Variants in SCMH1 observed in about 807,000 individuals in gnomAD.
SCMH1 encodes the protein polycomb protein SCMH1.
SCMH1 carries 37 observed loss-of-function variants against 70.8 expected under a neutral mutation model. The observed-to-expected ratio is 0.52, with a 90% CI of 0.40 to 0.69. The LOEUF is 0.69. Among genes scored for constraint, SCMH1 ranks in the 30% least tolerant of loss-of-function variants. SCMH1 has a pLI of 0.00. For missense variants in SCMH1, 607 were observed against 827.3 expected, an observed-to-expected ratio of 0.73 and a Z score of 3.27; for synonymous variants, 292 against 307.4, an observed-to-expected ratio of 0.95 and a Z score of 0.52.
intron 6 of SCMH1, among the ~76,000 whole-genome samples, chr1:41,124,590 C>CTTATTTAT (rs138729350): frequency 5.2e-4 from 78 of 148,896 alleles, no homozygotes; most frequent in African/African-American, 1.1e-3. Context: ...TGCTGAAGAG[C>CTTATTTAT]TTATTTATTT....
intron 1 of SCMH1, among the ~76,000 whole-genome samples, chr1:41,216,359 T>C (rs1658082572): frequency 6.6e-6 from 1 of 152,194 alleles, no homozygotes; most frequent in Non-Finnish European, 1.5e-5. Flanking sequence ...AGCTATCTGT[T>C]AAAAGTTACA....
chr1:41,187,141 T>C lies in SCMH1; in HGVS notation c.-117-891A>G, dbSNP rs185572693. Among the ~76,000 whole-genome samples the C allele has an allele frequency of 1.8e-4, 28 of 152,226 alleles. No individual in the cohort carries two copies. In the East Asian group the frequency reaches 5.0e-3, roughly 27 times the overall value. On this transcript the variant is annotated intron_variant, in intron 1 of 14. Transcript: ENST00000337495. ...GATCTGAATCTCCTCTATTTTGCCT[T>C]AATGTTTATTTTCCCTTTAAGACGT...
intron 8 of SCMH1, among the ~76,000 whole-genome samples, chr1:41,107,781 G>C (rs1668352221): frequency 6.6e-6 from 1 of 152,182 alleles, no homozygotes; most frequent in Non-Finnish European, 1.5e-5. Flanking sequence ...GCCTCCCAAA[G>C]TGCTGGGATT....
intron 8 of SCMH1, among the ~76,000 whole-genome samples, chr1:41,092,641 T>C (rs1178684022): frequency 6.6e-6 from 1 of 151,986 alleles, no homozygotes; most frequent in South Asian, 2.1e-4. Context: ...AAGGCTAATA[T>C]CCAGAATCTA....
intron 6 of SCMH1, among the ~76,000 whole-genome samples, chr1:41,139,335 C>T (rs1167520997): frequency 6.6e-6 from 1 of 152,090 alleles, no homozygotes; most frequent in Non-Finnish European, 1.5e-5. Flanking sequence ...ATAAATTCTT[C>T]GTTATGTATG....
chr1:41,202,863 C>T (rs1654688101), intron 1 of SCMH1, among the ~76,000 whole-genome samples: 1 of 151,976 alleles, frequency 6.6e-6, no homozygotes, highest in Non-Finnish European at 1.5e-5. Context: ...CAGTGCTATC[C>T]AACAGAAATA....
At chr1:41,215,949 T>C (rs1657987934) in intron 1 of SCMH1, among the ~76,000 whole-genome samples, 1 of 152,164 alleles carries the variant, frequency 6.6e-6, no homozygotes, top group Non-Finnish European at 1.5e-5. Context: ...AAAATATAAA[T>C]GTTTCAAAGG....
chr1:41,183,127 C>T (rs1214567120), intron 2 of SCMH1, among the ~76,000 whole-genome samples: 1 of 152,166 alleles, frequency 6.6e-6, no homozygotes, highest in Non-Finnish European at 1.5e-5. Context: ...CCCTCTTGTC[C>T]TCCAAATCCA....
At chr1:41,097,409 G>C (rs996811970) in intron 8 of SCMH1, among the ~76,000 whole-genome samples, 2 of 152,186 alleles carry the variant, frequency 1.3e-5, no homozygotes, top group Non-Finnish European at 2.9e-5. Context: ...AAGCTTAAAG[G>C]AATGCGGCTC....
intron 1 of SCMH1, among the ~76,000 whole-genome samples, chr1:41,199,226 T>C: frequency 6.6e-6 from 1 of 152,182 alleles, no homozygotes; most frequent in East Asian, 1.9e-4. Context: ...TTAGTGAATT[T>C]TTATAATGTA....
At chr1:41,166,016 T>G (rs1646387289) in intron 2 of SCMH1, among the ~76,000 whole-genome samples, 1 of 152,176 alleles carries the variant, frequency 6.6e-6, no homozygotes, top group Admixed American at 6.5e-5. Flanking sequence ...CATTTTGAGT[T>G]GATTCTCATA....
At chr1:41,039,951 C>CTTT (rs11369029) in intron 12 of SCMH1, among the ~76,000 whole-genome samples, 2 of 147,252 alleles carry the variant, frequency 1.4e-5, no homozygotes, top group South Asian at 2.2e-4. Context: ...TGCCAAAAAA[C>CTTT]TTTTTTTTTT....
At chr1:41,226,488 AC>A (rs1341657750) in intron 1 of SCMH1, among the ~76,000 whole-genome samples, 3 of 152,222 alleles carry the variant, frequency 2.0e-5, no homozygotes, top group Non-Finnish European at 4.4e-5. Flanking sequence ...ATGAATAAAG[AC>A]TTTTAAGTTC....
intron 12 of SCMH1, 62 bp from the exon 13 acceptor site, chr1:41,037,603 T>C (rs551277743): frequency 9.5e-6 from 14 of 1,470,200 alleles, no homozygotes; most frequent in Non-Finnish European, 1.1e-5. Context: ...GGCTCCCAGA[T>C]ACCTGTTTGA....
At chr1:41,147,405 A>G (rs1258429268) in intron 5 of SCMH1, among the ~76,000 whole-genome samples, 1 of 152,144 alleles carries the variant, frequency 6.6e-6, no homozygotes, top group African/African-American at 2.4e-5. Context: ...TGCCCTTTAG[A>G]GTTTAGGATT....
chr1:41,131,480 CT>C (rs1247283720), intron 6 of SCMH1, among the ~76,000 whole-genome samples: 1 of 152,174 alleles, frequency 6.6e-6, no homozygotes, highest in Admixed American at 6.5e-5. Context: ...GAGAATATTA[CT>C]GATAGTTAAG....
At chr1:41,177,844 A>G (rs974483798) in intron 2 of SCMH1, among the ~76,000 whole-genome samples, 16 of 152,210 alleles carry the variant, frequency 1.1e-4, no homozygotes, top group Non-Finnish European at 2.9e-5. Flanking sequence ...AACTTCCCCA[A>G]TTAGCAAGGC....
intron 2 of SCMH1, among the ~76,000 whole-genome samples, chr1:41,164,059 T>C (rs1269469691): frequency 6.6e-6 from 1 of 152,198 alleles, no homozygotes; most frequent in Non-Finnish European, 1.5e-5. Context: ...ATCATGTCTT[T>C]ACTTAATTTC....
chr1:41,233,565 AATT>A (rs1661727440), intron 1 of SCMH1, among the ~76,000 whole-genome samples: 1 of 152,192 alleles, frequency 6.6e-6, no homozygotes, highest in African/African-American at 2.4e-5. Context: ...AATTAAATGA[AATT>A]ATAATCACTG....
Sources: allele counts gnomAD v4.1 joint callset (sites outside exome capture counted in the v4.1 genomes callset), GRCh38; gene constraint gnomAD v4.1.1; transcripts MANE v1.5; gene names NCBI Gene and HGNC (gene_info 2026-07-23, HGNC 2026-07-21).